Variants in TTC23L observed in about 807,000 individuals in gnomAD.
TTC23L encodes the protein tetratricopeptide repeat domain 23 like, also known as tetratricopeptide repeat protein 23-like.
A neutral mutation model predicts 48.1 loss-of-function variants in TTC23L; 42 were observed. The ratio of observed to expected loss-of-function variants is 0.87; its 90% CI spans 0.68 to 1.13. TTC23L has a LOEUF of 1.13. TTC23L is among the 50% of genes most tolerant of loss of function. TTC23L has a pLI of 0.00. For missense variants in TTC23L, 391 were observed against 421.0 expected, an observed-to-expected ratio of 0.93 and a Z score of 0.62; for synonymous variants, 159 against 157.2, an observed-to-expected ratio of 1.01 and a Z score of -0.09.
At chr5:34,925,481 G>A in the TTC23L span, 1 of 1,609,472 alleles carries the variant, frequency 6.2e-7, no homozygotes, top group Non-Finnish European at 8.5e-7. Context: ...GATGGACAGT[G>A]GGAAAACAAA....
the TTC23L span, chr5:34,914,520 G>C: frequency 1.5e-6 from 1 of 657,922 alleles, no homozygotes; most frequent in South Asian, 2.1e-5. Context: ...AAAAATTCAA[G>C]TAATGACGTT....
At chr5:34,918,551 A>T in the TTC23L span, 1 of 843,984 alleles carries the variant, frequency 1.2e-6, no homozygotes, top group Non-Finnish European at 1.8e-6. Flanking sequence ...TATTTTATAT[A>T]TTCTTCATTT....
At chr5:34,895,938 C>T (rs1763196625) in intron 9 of TTC23L, among the ~76,000 whole-genome samples, 1 of 152,188 alleles carries the variant, frequency 6.6e-6, no homozygotes, top group Non-Finnish European at 1.5e-5. Flanking sequence ...AACACTCCAT[C>T]TACAAAATTA....
the TTC23L span, chr5:34,925,006 A>G: frequency 9.3e-6 from 15 of 1,606,784 alleles, no homozygotes; most frequent in Non-Finnish European, 1.0e-5. Context: ...GTAGTCTTCA[A>G]TGTACCAGAA....
chr5:34,896,901 G>C, intron 10 of TTC23L, 26 bp downstream of exon 10: 2 of 698,782 alleles, frequency 2.9e-6, no homozygotes, highest in Admixed American at 2.1e-5. Flanking sequence ...CTGTTGTACA[G>C]GGCAGCATGT....
chr5:34,925,039 T>A, the TTC23L span: 2 of 1,551,940 alleles, frequency 1.3e-6, no homozygotes, highest in Non-Finnish European at 1.7e-6. Context: ...AATGATTCTG[T>A]GAAGTAATTG....
chr5:34,861,376 G>A (rs370325649), intron 4 of TTC23L: 14 of 167,276 alleles, frequency 8.4e-5, no homozygotes, highest in South Asian at 3.4e-4. Flanking sequence ...CATGGATCAA[G>A]CATTGTACTT....
At chr5:34,843,349 G>A (rs1262182267) in intron 2 of TTC23L, among the ~76,000 whole-genome samples, 1 of 152,104 alleles carries the variant, frequency 6.6e-6, no homozygotes, top group Non-Finnish European at 1.5e-5. Flanking sequence ...ACCATCCTTT[G>A]AGATGTCTGA....
chr5:34,896,467 G>A (rs541496249), intron 9 of TTC23L, among the ~76,000 whole-genome samples: 2 of 152,178 alleles, frequency 1.3e-5, no homozygotes, highest in East Asian at 1.9e-4. Context: ...AAAACCATGC[G>A]ACCTTAAGTC....
intron 4 of TTC23L, among the ~76,000 whole-genome samples, chr5:34,856,211 T>C (rs1760120989): frequency 6.6e-6 from 1 of 152,190 alleles, no homozygotes; most frequent in Non-Finnish European, 1.5e-5. Flanking sequence ...AATCCACAAG[T>C]TGAGAATCGC....
intron 9 of TTC23L, among the ~76,000 whole-genome samples, chr5:34,894,610 T>C (rs1763085929): frequency 6.6e-6 from 1 of 152,190 alleles, no homozygotes; most frequent in Admixed American, 6.5e-5. Context: ...TTTAAGAGTA[T>C]GGTATATGTG....
chr5:34,845,729 A>G (rs750131618), intron 3 of TTC23L, 56 bp downstream of exon 3: 55 of 1,513,522 alleles, frequency 3.6e-5, no homozygotes, highest in Non-Finnish European at 4.4e-5. Context: ...GTTCCTGTTT[A>G]GAGAAGCTTT....
chr5:34,839,994 C>T (rs1440980791), intron 1 of TTC23L, among the ~76,000 whole-genome samples: 1 of 152,208 alleles, frequency 6.6e-6, no homozygotes, highest in Non-Finnish European at 1.5e-5. Context: ...CGGGTTCAAG[C>T]GATTCTCCTG....
the TTC23L span, chr5:34,923,225 G>A: frequency 3.7e-6 from 6 of 1,604,482 alleles, no homozygotes; most frequent in Admixed American, 1.7e-5. Context: ...TATGGTTTCG[G>A]AACTTTCAGG....
the TTC23L span, chr5:34,921,100 C>T: frequency 6.6e-6 from 1 of 152,184 alleles, no homozygotes; most frequent in Admixed American, 6.6e-5. Flanking sequence ...CTCGGCCTCC[C>T]AAAGTGCTGG....
At chr5:34,880,290 C>G in exon 9 of TTC23L, 2 of 1,610,340 alleles carry the variant, frequency 1.2e-6, no homozygotes, top group Non-Finnish European at 1.7e-6. Context: ...AATGGCTTGT[C>G]CAAAATGGAG....
chr5:34,891,863 T>C (rs1031862794), intron 9 of TTC23L, among the ~76,000 whole-genome samples: 2 of 152,184 alleles, frequency 1.3e-5, no homozygotes, highest in African/African-American at 2.4e-5. Context: ...AATTAGGAGA[T>C]CTAATTCAGA....
chr5:34,901,980 G>C (rs997940868), downstream of TTC23L, among the ~76,000 whole-genome samples: 3 of 152,188 alleles, frequency 2.0e-5, no homozygotes, highest in Non-Finnish European at 4.4e-5. Context: ...CTCTGAGCAA[G>C]TGTATATCTA....
At chr5:34,854,973 G>T (rs1171885567) in intron 4 of TTC23L, among the ~76,000 whole-genome samples, 2 of 152,174 alleles carry the variant, frequency 1.3e-5, no homozygotes, top group African/African-American at 4.8e-5. Context: ...ATTCAAGGGG[G>T]AGGTGGATTC....
Sources: allele counts gnomAD v4.1 joint callset (sites outside exome capture counted in the v4.1 genomes callset), GRCh38; gene constraint gnomAD v4.1.1; transcripts MANE v1.5; gene names NCBI Gene and HGNC (gene_info 2026-07-23, HGNC 2026-07-21).